Variants in MROH2B observed in about 807,000 individuals in gnomAD.
MROH2B encodes maestro heat-like repeat-containing protein family member 2B.
MROH2B carries 177 observed loss-of-function variants against 208.6 expected under a neutral mutation model. The observed-to-expected ratio is 0.85, with a 90% CI of 0.75 to 0.96. The LOEUF is 0.96. Among genes scored for constraint, MROH2B ranks in the 40% least tolerant of loss-of-function variants. MROH2B has a pLI of 0.00. For missense variants in MROH2B, 2,002 were observed against 1,878.7 expected, an observed-to-expected ratio of 1.07 and a Z score of -1.21; for synonymous variants, 728 against 659.0, an observed-to-expected ratio of 1.10 and a Z score of -1.60.
chr5:41,047,771 A>C lies in MROH2B; in HGVS notation c.1685-7T>G. On this transcript the variant is annotated splice_region_variant and splice_polypyrimidine_tract_variant and intron_variant, in intron 16 of 41. Coordinates refer to ENST00000399564, the MANE Select transcript of MROH2B (RefSeq NM_173489.5). ...ACGGTACTGATGTTCTTTCCTAGAA[A>C]CAAAAATTGATGTAATAATCGCAAA... is the stretch of plus-strand genomic sequence containing the variant. 6.3e-7 allele frequency: 1 copy of C among 1,581,486 alleles called. No individual in the cohort carries two copies. Among genetic ancestry groups the C allele is most frequent in the South Asian group, 1.2e-5 (1 of 86,148 alleles).
chr5:41,005,058 C>G, intron 35 of MROH2B, 138 bp from the exon 36 acceptor site: 2 of 1,202,360 alleles, frequency 1.7e-6, no homozygotes, highest in Non-Finnish European at 2.3e-6. Context: ...TCTGGTGAAC[C>G]AGCAAGCCTT....
intron 5 of MROH2B, among the ~76,000 whole-genome samples, chr5:41,062,653 AAATT>A (rs1743677569): frequency 1.3e-5 from 2 of 152,172 alleles, no homozygotes; most frequent in South Asian, 4.1e-4. Flanking sequence ...ATGATAAAGA[AAATT>A]AATTAGTCCA....
rs759505345 is a variant in MROH2B, at chr5:41,047,792, G to T, written c.1685-28C>A. On this transcript the variant is annotated intron_variant, in intron 16 of 41. Transcript: ENST00000399564. ...AGAAACAAAAATTGATGTAATAATCGCAAAAAAACAAAACCACCCCAAGAC... is the reference window on the plus strand; with the variant it reads ...AGAAACAAAAATTGATGTAATAATCTCAAAAAAACAAAACCACCCCAAGAC... 2.6e-6 allele frequency: 4 copies of T among 1,559,794 alleles called. No individual in the cohort carries two copies. The Admixed American group carries it at 5.7e-5, about 22-fold the overall frequency.
chr5:41,006,763 C>T (rs1406788347), intron 34 of MROH2B, among the ~76,000 whole-genome samples: 1 of 152,048 alleles, frequency 6.6e-6, no homozygotes, highest in Non-Finnish European at 1.5e-5. Flanking sequence ...TATGTTCTGT[C>T]TCATATGTGG....
chr5:41,057,991 T>C, intron 7 of MROH2B, 72 bp downstream of exon 7: 2 of 1,381,078 alleles, frequency 1.4e-6, no homozygotes. Context: ...TAGGGTCTTT[T>C]GAGACTTAAA....
intron 6 of MROH2B, among the ~76,000 whole-genome samples, chr5:41,061,022 C>A (rs1743621127): frequency 6.6e-6 from 1 of 152,148 alleles, no homozygotes; most frequent in Non-Finnish European, 1.5e-5. Context: ...ACTTTTAAAG[C>A]AAGATACATG....
chr5:41,004,572 C>T (rs1741512984), intron 36 of MROH2B, 44 bp from the exon 37 acceptor site: 3 of 1,576,222 alleles, frequency 1.9e-6, no homozygotes, highest in Non-Finnish European at 2.6e-6. Flanking sequence ...TTGTTCTATG[C>T]GTATCTGGAA....
chr5:41,018,749 A>G lies in MROH2B; in HGVS notation c.2615T>C (p.Leu872Pro), dbSNP rs200254458. 160 of 1,613,704 alleles carry G rather than the reference A, an allele frequency of 9.9e-5. No homozygotes were observed. The highest frequency in any genetic ancestry group is 2.5e-5 in the Non-Finnish European group (30 of 1,179,830). Residue 872 changes from leucine to proline, a missense_variant, in exon 26 of 42, where the codon CTT (leucine) becomes CCT (proline). By Grantham distance (98) the Leu-to-Pro change is moderately conservative. Transcript: ENST00000399564. Reference sequence around the variant, plus strand: ...ATTATCCCACATCATGGTCTTCAGAAGTTTTCCTAGGGCGTCCATGGATCG... The same window carrying G: ...ATTATCCCACATCATGGTCTTCAGAGGTTTTCCTAGGGCGTCCATGGATCG... ...YERSMDALGK[L>P]LKTMMWDNVN...
At chr5:41,002,111 T>C (rs1741416096) in intron 37 of MROH2B, among the ~76,000 whole-genome samples, 2 of 152,088 alleles carry the variant, frequency 1.3e-5, no homozygotes, top group South Asian at 4.1e-4. Context: ...GATACCTCTT[T>C]AGAAAGAGGA....
chr5:41,000,642 G>A (rs1741366238), intron 38 of MROH2B, 36 bp downstream of exon 38: 1 of 1,582,872 alleles, frequency 6.3e-7, no homozygotes. Context: ...GCCATGGGGA[G>A]AGCAGGAGGT....
At chr5:41,043,242 T>C (rs1389443855) in intron 18 of MROH2B, among the ~76,000 whole-genome samples, 1 of 152,222 alleles carries the variant, frequency 6.6e-6, no homozygotes, top group African/African-American at 2.4e-5. Flanking sequence ...CAGTTGCTGT[T>C]ATCTCAACTC....
intron 13 of MROH2B, among the ~76,000 whole-genome samples, chr5:41,050,016 G>A (rs1743239834): frequency 6.6e-6 from 1 of 152,110 alleles, no homozygotes; most frequent in African/African-American, 2.4e-5. Flanking sequence ...TCTCTTCTTT[G>A]TCATCTATAT....
At chr5:41,004,583 G>C in intron 36 of MROH2B, 55 bp from the exon 37 acceptor site, 2 of 1,553,710 alleles carry the variant, frequency 1.3e-6, no homozygotes, top group Non-Finnish European at 1.7e-6. Context: ...GTATCTGGAA[G>C]AGGGTAGGAG....
intron 20 of MROH2B, 139 bp from the exon 21 acceptor site, chr5:41,039,027 A>C: frequency 2.6e-6 from 2 of 771,722 alleles, no homozygotes; most frequent in South Asian, 4.4e-5. Flanking sequence ...TAAAATGAAT[A>C]TACTCTCGCC....
chr5:41,045,712 A>C, intron 18 of MROH2B, 34 bp downstream of exon 18: 1 of 1,538,574 alleles, frequency 6.5e-7, no homozygotes, highest in African/African-American at 1.4e-5. Flanking sequence ...ATCATAGGTA[A>C]AAGCTAAGGT....
At position 41,009,870 on chromosome 5, in the gene MROH2B, C is replaced by T. The variant is rs1426537505; in HGVS notation, c.3293+52G>A. ...TCAAACCGTAAATCCCTCCCCAGTG[C>T]CTTTCAGAGTGGCCTTCCCTAGGAG... On this transcript the variant is annotated intron_variant, in intron 31 of 41. Transcript: ENST00000399564. 6.8e-5 allele frequency: 106 copies of T among 1,556,038 alleles called. 1 individual carries two copies. Among genetic ancestry groups the T allele is most frequent in the Non-Finnish European group, 8.6e-5 (99 of 1,148,454 alleles).
intron 18 of MROH2B, among the ~76,000 whole-genome samples, chr5:41,042,629 G>T (rs1052308827): frequency 6.6e-6 from 1 of 151,844 alleles, no homozygotes. Context: ...TTTAAGATGG[G>T]GTCTCACCCT....
At chr5:41,008,817 G>A in intron 32 of MROH2B, 24 bp from the exon 33 acceptor site, 1 of 1,591,786 alleles carries the variant, frequency 6.3e-7, no homozygotes, top group Non-Finnish European at 8.6e-7. Context: ...GGGCCTCTTG[G>A]TCAGGCAGTC....
chr5:41,048,965 C>A (rs1382454227), intron 15 of MROH2B, 136 bp downstream of exon 15: 1 of 771,398 alleles, frequency 1.3e-6, no homozygotes. Context: ...ACTAGTATAG[C>A]AGAAAATTTA....
Sources: gnomAD v4.1 joint callset for allele counts (sites outside exome capture counted in the v4.1 genomes callset) on GRCh38, gnomAD v4.1.1 for gene constraint, MANE v1.5 for transcripts, NCBI Gene and HGNC (gene_info 2026-07-23, HGNC 2026-07-21) for gene names.